The following SZT2 variants were observed in gnomAD, a reference collection of about 807,000 sequenced individuals.
SZT2 encodes KICSTOR complex protein SZT2.
In SZT2, 216 loss-of-function variants were observed where a neutral mutation model predicts 404.2. That is an observed-to-expected ratio of 0.53 (90% CI 0.48 to 0.60). The LOEUF is 0.60. SZT2 is among the 20% of genes least tolerant of loss of function. The pLI is 0.00. For missense variants in SZT2, 3,857 were observed against 4,459.2 expected (o/e 0.86, Z 3.85); for synonymous variants, 1,693 against 1,749.9 (o/e 0.97, Z 0.81).
intron 65 of SZT2, 112 bp downstream of exon 65, chr1:43,446,528 G>A: frequency 7.5e-7 from 1 of 1,325,890 alleles, no homozygotes; most frequent in Admixed American, 1.8e-5. Context: ...GGCTGGCCCA[G>A]TGATTGATTC....
In SZT2 at chr1:43,438,763, C is replaced by T. The variant is rs114046098; in HGVS notation, c.6573C>T (p.Asp2191=). 4.7e-4 allele frequency: 760 copies of T among 1,614,148 alleles called. 3 individuals are homozygous for T. In the African/African-American group the frequency reaches 7.7e-3, roughly 16 times the overall value. ...LCRRLDEATL[D]VITVMLVRNC... is the part of the protein sequence containing the mutation. ...GGCGCCTGGATGAGGCCACGCTGGA[C>T]GTCATCACAGTTATGCTTGTTCGGA... is the stretch of plus-strand genomic sequence containing the variant. Residue 2191 remains aspartate (D), a synonymous_variant, in exon 47 of 72, where the codon GAC becomes GAT. Coordinates refer to ENST00000634258, the MANE Select transcript of SZT2 (RefSeq NM_001365999.1).
chr1:43,410,764 C>A (rs1650938891), intron 4 of SZT2, among the ~76,000 whole-genome samples: 1 of 152,008 alleles, frequency 6.6e-6, no homozygotes, highest in Non-Finnish European at 1.5e-5. Flanking sequence ...ACTCACAAAA[C>A]AAAGGAAACA....
At chr1:43,422,669 C>A (rs761740338) in intron 13 of SZT2, 37 bp downstream of exon 13, 6 of 863,658 alleles carry the variant, frequency 6.9e-6, no homozygotes, top group East Asian at 6.4e-5. Context: ...CCCGCCCCCC[C>A]ACCCCCCCGC....
At chr1:43,443,884 A>G (rs1343422823) in intron 62 of SZT2, 88 bp downstream of exon 62, 20 of 1,528,438 alleles carry the variant, frequency 1.3e-5, no homozygotes, top group South Asian at 3.6e-5. Context: ...ACAAGGTCCT[A>G]TGTTGACAAT....
chr1:43,449,473 G>A (rs976999886), intron 70 of SZT2: 6 of 162,718 alleles, frequency 3.7e-5, no homozygotes, highest in Admixed American at 1.7e-4. Context: ...CAGTAGTGTC[G>A]GCGGTTGTGA....
In SZT2 at chr1:43,440,545, C is replaced by A; in HGVS notation, c.7303C>A (p.Pro2435Thr). 1 of 1,607,808 alleles carries A rather than the reference C, an allele frequency of 6.2e-7. No homozygotes were observed. Among genetic ancestry groups the A allele is most frequent in the South Asian group, 1.1e-5 (1 of 90,308 alleles). ...CCCTGTCCCTGGGGAGCCTGTGACT[C>A]CACCCAGCAAAGCGGGCCGGCGTAG... ...PAPVPGEPVTPPSKAGRRSFW... is the reference protein window; with the variant it reads ...PAPVPGEPVTTPSKAGRRSFW... Residue 2435 changes from proline (P) to threonine (T), a missense_variant, in exon 52 of 72, where the codon CCA (proline) becomes ACA (threonine). By Grantham distance (38) the Pro-to-Thr change is conservative (BLOSUM62 -1). Around this residue, in one of 7 missense-constraint regions of SZT2, gnomAD observed 573 missense variants for 592.4 expected, o/e 0.97. Transcript: ENST00000634258.
rs747376116 is a variant in SZT2, at chr1:43,426,203, G to A, written c.3043+52G>A. On this transcript the variant is annotated intron_variant, in intron 21 of 71. Transcript: ENST00000634258. This position sits in a 1 kb window ranked among gnomAD's most constrained non-coding sequence, Gnocchi z 4.9. Reference sequence around the variant, plus strand: ...CCACACCTAAAGGGCCAGCAAGCCTGGAAGTATTAGAAAATAACAAACAGA... The same window carrying A: ...CCACACCTAAAGGGCCAGCAAGCCTAGAAGTATTAGAAAATAACAAACAGA... The A allele has an allele frequency of 1.7e-5, 27 of 1,583,650 alleles. No homozygotes were observed. The South Asian group carries it at 2.8e-4, about 17-fold the overall frequency.
chr1:43,425,882 A>G lies in SZT2; in HGVS notation c.2862A>G (p.Glu954=). 1.9e-6 allele frequency: 3 copies of G among 1,614,126 alleles called. No homozygotes were observed. Among genetic ancestry groups the G allele is most frequent in the Non-Finnish European group, 2.5e-6 (3 of 1,180,012 alleles). ...AACIGSMLSF[E]YLIQLCQSKE... ...GCATAGGCTCCATGCTGAGCTTTGA[A>G]TACCTGATACAGCTGTGTCAGAGCA... The change falls in exon 20 of 72, where the codon GAA becomes GAG. Residue 954 remains glutamate, a synonymous_variant. Coordinates refer to ENST00000634258, the MANE Select transcript of SZT2 (RefSeq NM_001365999.1). This position sits in a 1 kb window ranked among gnomAD's most constrained non-coding sequence, Gnocchi z 4.3.
chr1:43,401,558 C>T (rs1180551174), intron 1 of SZT2, among the ~76,000 whole-genome samples: 4 of 150,410 alleles, frequency 2.7e-5, no homozygotes, highest in African/African-American at 9.8e-5. Context: ...GTGATCTCGG[C>T]TCACTGCAAC....
chr1:43,451,644 T>C lies in SZT2; in HGVS notation c.*1164T>C, dbSNP rs370424674. On this transcript the variant is annotated 3_prime_UTR_variant, in exon 72 of 72. Transcript: ENST00000634258. ...GGTGGGAGGGCAAAGGAAGGTCCTC[T>C]CACCAACAATGGGCAGGAACTCCCG... 8.1e-6 allele frequency: 13 copies of C among 1,613,962 alleles called. No individual in the cohort carries two copies. The highest frequency in any genetic ancestry group is 1.7e-5 in the Admixed American group (1 of 60,006).
Position 43,430,276 on chromosome 1 carries a change from C to CTTGCCTCATCATCTTGCTTCATTCTT in SZT2, c.4402-28_4402-3dup, listed in dbSNP as rs748174847. The stretch of plus-strand genomic sequence containing the variant: ...TGCCTAGGATGAGGCAAGTGGGATT[C>CTTGCCTCATCATCTTGCTTCATTCTT]TTGCCTCATCATCTTGCTTCATTCT... On this transcript the variant is annotated intron_variant, in intron 30 of 71. Transcript: ENST00000634258. 4 of 1,611,332 alleles carry CTTGCCTCATCATCTTGCTTCATTCTT rather than the reference C, an allele frequency of 2.5e-6. No individual in the cohort carries two copies. The South Asian group carries it at 4.4e-5, about 18-fold the overall frequency.
At position 43,453,618 on chromosome 1, in the gene SZT2, AG is replaced by A. The variant is rs1656703878; in HGVS notation, c.*3139del. On this transcript the variant is annotated 3_prime_UTR_variant, in exon 72 of 72. Transcript: ENST00000634258. ...ACCCGGGGGCGTGTTGATCAGTACA[AG>A]CCGCAGCCCCGCTTCTCGCGCGGCG... 6.6e-7 allele frequency: 1 copy of A among 1,504,816 alleles called. No individual in the cohort carries two copies. The highest frequency in any genetic ancestry group is 8.8e-7 in the Non-Finnish European group (1 of 1,131,552). 93.2% of individuals were successfully genotyped at this position (1,504,816 alleles called of 1,614,324 possible).
chr1:43,400,786 C>G (rs1649585994), intron 1 of SZT2, among the ~76,000 whole-genome samples: 1 of 151,808 alleles, frequency 6.6e-6, no homozygotes, highest in African/African-American at 2.4e-5. Flanking sequence ...GCAGGAGAAT[C>G]ACTTGAACCC....
Position 43,441,477 on chromosome 1 carries a change from T to C in SZT2, c.7512-27T>C, listed in dbSNP as rs1655053932. 2 of 1,610,800 alleles carry C rather than the reference T, an allele frequency of 1.2e-6. No individual in the cohort carries two copies. Among genetic ancestry groups the C allele is most frequent in the East Asian group, 4.5e-5 (2 of 44,870 alleles). On this transcript the variant is annotated intron_variant, in intron 53 of 71. Transcript: ENST00000634258. The surrounding 1 kb of genome is among the most constrained non-coding windows in gnomAD (Gnocchi z 4.8). The stretch of plus-strand genomic sequence containing the variant: ...AACATACAAGTGTCATGTATGGACA[T>C]GAGGCTCTTACTCCCACTGTCTTCA...
In SZT2 at chr1:43,426,123, C is replaced by G; in HGVS notation, c.3015C>G (p.Leu1005=). Residue 1005 remains leucine, a synonymous_variant, in exon 21 of 72, where the codon CTC becomes CTG. Transcript: ENST00000634258. This position sits in a 1 kb window ranked among gnomAD's most constrained non-coding sequence, Gnocchi z 4.9. ...LMGLLPQCQQ[L]QMFFLLLARE... ...GATTGCTGCCACAGTGCCAGCAGCT[C>G]CAGATGTTCTTCCTCTTGCTTGCCA... 1 of 1,614,174 alleles carries G rather than the reference C, an allele frequency of 6.2e-7. No individual in the cohort carries two copies. The highest frequency in any genetic ancestry group is 8.5e-7 in the Non-Finnish European group (1 of 1,180,036).
chr1:43,419,687 C>T (rs1652109341), intron 7 of SZT2, 47 bp from the exon 8 acceptor site: 6 of 1,492,620 alleles, frequency 4.0e-6, no homozygotes, highest in Non-Finnish European at 5.5e-6. Flanking sequence ...TCTTCCTTCT[C>T]CTATGCCTCT....
intron 7 of SZT2, 146 bp from the exon 8 acceptor site, chr1:43,419,588 G>C (rs1207743572): frequency 3.1e-6 from 2 of 651,740 alleles, no homozygotes; most frequent in East Asian, 2.7e-5. Flanking sequence ...CACAGACAGT[G>C]GTCTGTCCTG....
intron 1 of SZT2, among the ~76,000 whole-genome samples, chr1:43,400,428 C>G (rs1297778326): frequency 6.6e-6 from 1 of 152,190 alleles, no homozygotes; most frequent in African/African-American, 2.4e-5. Flanking sequence ...ATTTGTCACT[C>G]TCAGTAGATG....
At chr1:43,419,644 G>A in intron 7 of SZT2, 90 bp from the exon 8 acceptor site, 1 of 1,075,162 alleles carries the variant, frequency 9.3e-7, no homozygotes, top group Non-Finnish European at 1.3e-6. Context: ...GGGAATGGGA[G>A]CAGCCACCTA....
Sources: allele counts gnomAD v4.1 joint callset (sites outside exome capture counted in the v4.1 genomes callset), GRCh38; gene constraint gnomAD v4.1.1; regional missense constraint gnomAD v4.1.1; non-coding constraint Gnocchi (gnomAD v3.1); transcripts MANE v1.5; gene names NCBI Gene and HGNC (gene_info 2026-07-23, HGNC 2026-07-21).